Variants in SLCO3A1 observed in about 807,000 individuals in gnomAD.
The protein encoded by SLCO3A1 is solute carrier organic anion transporter family member 3A1, also known as PGE1 transporter.
SLCO3A1 carries 27 observed loss-of-function variants against 63.1 expected under a neutral mutation model. The ratio of observed to expected loss-of-function variants is 0.43; its 90% CI spans 0.32 to 0.59. The LOEUF (loss-of-function observed/expected upper bound fraction) is 0.59, where lower values mean the gene tolerates loss of function less well. SLCO3A1 is among the 20% of genes least tolerant of loss of function. The probability of loss-of-function intolerance (pLI) is 0.09; values close to 1 mark genes in which losing one functional copy is unlikely to be tolerated. For synonymous variants in SLCO3A1, 473 were observed against 409.9 expected, an observed-to-expected ratio of 1.15 and a Z score of -1.86; for missense variants, 773 against 945.8, an observed-to-expected ratio of 0.82 and a Z score of 2.40.
At chr15:92,054,529 G>T (rs1487409782) in intron 2 of SLCO3A1, among the ~76,000 whole-genome samples, 2 of 152,190 alleles carry the variant, frequency 1.3e-5, no homozygotes, top group East Asian at 1.9e-4. Flanking sequence ...GTGCCATGGT[G>T]GTTTGCTGCA....
chr15:91,872,829 G>T lies in SLCO3A1; in HGVS notation c.180+18741G>T, dbSNP rs1300900282. Among the ~76,000 whole-genome samples, 2 of 152,150 alleles carry T rather than the reference G, an allele frequency of 1.3e-5. No individual in the cohort carries two copies. The highest frequency in any genetic ancestry group is 2.4e-5 in the African/African-American group (1 of 41,428). On this transcript the variant is annotated intron_variant, in intron 1 of 9. Coordinates refer to ENST00000318445, the MANE Select transcript of SLCO3A1 (RefSeq NM_013272.4). The surrounding 1 kb of genome is among the most constrained non-coding windows in gnomAD (Gnocchi z 4.1). Reference sequence around the variant, plus strand: ...TGGGACCAGAGAATAACTTCACCAGGGCCAGAGAATCTGTTCTCTGTTCCC... The same window carrying T: ...TGGGACCAGAGAATAACTTCACCAGTGCCAGAGAATCTGTTCTCTGTTCCC...
At chr15:92,162,549 G>T in intron 9 of SLCO3A1, 2 of 708,662 alleles carry the variant, frequency 2.8e-6, no homozygotes, top group Non-Finnish European at 4.4e-6. Context: ...AAGGCAGGAG[G>T]GCTTAAATAA....
At chr15:92,132,739 C>T (rs946093307) in intron 7 of SLCO3A1, among the ~76,000 whole-genome samples, 1 of 145,146 alleles carries the variant, frequency 6.9e-6, no homozygotes, top group African/African-American at 2.5e-5. Context: ...TTCCAGGCAA[C>T]AAATATTTAT....
At chr15:92,143,438 T>TAA (rs371426422) in intron 7 of SLCO3A1, among the ~76,000 whole-genome samples, 3 of 3,098 alleles carry the variant, frequency 9.7e-4, no homozygotes, top group African/African-American at 8.9e-3. Context: ...ATAATATATA[T>TAA]AATATATATA....
At chr15:92,126,777 T>C (rs1347153742) in intron 6 of SLCO3A1, among the ~76,000 whole-genome samples, 1 of 152,086 alleles carries the variant, frequency 6.6e-6, no homozygotes, top group African/African-American at 2.4e-5. Context: ...TCTTCCTAGT[T>C]TTTATCCCAA....
intron 2 of SLCO3A1, among the ~76,000 whole-genome samples, chr15:92,017,028 C>G (rs2046445825): frequency 6.6e-6 from 1 of 151,974 alleles, no homozygotes; most frequent in African/African-American, 2.4e-5. Context: ...TACTCAACAC[C>G]CACTTTTGAT....
At chr15:92,023,485 T>A (rs2046534343) in intron 2 of SLCO3A1, among the ~76,000 whole-genome samples, 1 of 151,988 alleles carries the variant, frequency 6.6e-6, no homozygotes, top group South Asian at 2.1e-4. Flanking sequence ...TTTTTTTTTT[T>A]AAGACAGTGT....
chr15:92,106,365 G>A (rs1245849956), intron 4 of SLCO3A1, among the ~76,000 whole-genome samples: 4 of 152,062 alleles, frequency 2.6e-5, no homozygotes, highest in Admixed American at 1.3e-4. Context: ...AATAAAATAG[G>A]CTCACTTCCA....
chr15:92,159,768 G>T (rs1020830954), intron 9 of SLCO3A1, among the ~76,000 whole-genome samples: 6 of 151,932 alleles, frequency 3.9e-5, no homozygotes, highest in African/African-American at 1.5e-4. Context: ...GATATAATTG[G>T]CATATTTATC....
intron 2 of SLCO3A1, among the ~76,000 whole-genome samples, chr15:91,919,623 A>T (rs570339235): frequency 6.6e-6 from 1 of 152,298 alleles, no homozygotes; most frequent in South Asian, 2.1e-4. Flanking sequence ...CCATGTTGTG[A>T]TCTTCCATTA....
chr15:92,090,773 G>A (rs1258321989), intron 2 of SLCO3A1, among the ~76,000 whole-genome samples: 7 of 152,198 alleles, frequency 4.6e-5, no homozygotes, highest in African/African-American at 1.4e-4. Flanking sequence ...AGCCCTCGTT[G>A]TAGGAGAGTC....
At position 91,967,863 on chromosome 15, in the gene SLCO3A1, T is replaced by G. The variant is rs1900716051; in HGVS notation, c.646+51405T>G. Among the ~76,000 whole-genome samples, 1 of 152,206 alleles carries G rather than the reference T, an allele frequency of 6.6e-6. No homozygotes were observed. The highest frequency in any genetic ancestry group is 1.5e-5 in the Non-Finnish European group (1 of 68,044). On this transcript the variant is annotated intron_variant, in intron 2 of 9. Coordinates refer to ENST00000318445, the MANE Select transcript of SLCO3A1 (RefSeq NM_013272.4). This position sits in a 1 kb window ranked among gnomAD's most constrained non-coding sequence, Gnocchi z 4.4. ...CGCTGGCATAGGCTCTTTCCTTGTC[T>G]GCTTTGTCTGCAGGATTCAGCACCA... is the stretch of plus-strand genomic sequence containing the variant.
chr15:91,971,440 A>G (rs1017208285), intron 2 of SLCO3A1, among the ~76,000 whole-genome samples: 1 of 147,240 alleles, frequency 6.8e-6, no homozygotes, highest in African/African-American at 2.5e-5. Context: ...TTCAGCTCTC[A>G]TGCTGTAAAC....
chr15:92,157,815 T>TC, intron 9 of SLCO3A1, among the ~76,000 whole-genome samples: 1 of 152,308 alleles, frequency 6.6e-6, no homozygotes, highest in Non-Finnish European at 1.5e-5. Flanking sequence ...GTGAGGGCTT[T>TC]CTCAAATGGC....
intron 2 of SLCO3A1, among the ~76,000 whole-genome samples, chr15:92,085,616 G>A (rs1365088854): frequency 6.6e-6 from 1 of 152,242 alleles, no homozygotes; most frequent in East Asian, 1.9e-4. Context: ...TATCACGCAT[G>A]TGCATACGTG....
chr15:91,915,869 T>C, intron 1 of SLCO3A1, 124 bp from the exon 2 acceptor site: 2 of 765,134 alleles, frequency 2.6e-6, no homozygotes, highest in Admixed American at 4.7e-5. Flanking sequence ...TTTTTGCACC[T>C]GGCACCGGAG....
intron 1 of SLCO3A1, among the ~76,000 whole-genome samples, chr15:91,888,881 C>T (rs1414788196): frequency 6.6e-6 from 1 of 151,976 alleles, no homozygotes; most frequent in Non-Finnish European, 1.5e-5. Context: ...ATGTGGCACA[C>T]ACCTGTAGCT....
rs949453758 is a variant in SLCO3A1 at position 91,954,435 on chromosome 15, A to C, written c.646+37977A>C. Among the ~76,000 whole-genome samples, 1 of 152,192 alleles carries C rather than the reference A, an allele frequency of 6.6e-6. No homozygotes were observed. Among genetic ancestry groups the C allele is most frequent in the South Asian group, 2.1e-4 (1 of 4,832 alleles). The stretch of plus-strand genomic sequence containing the variant: ...GGCAGTCAGAAGTCCTGCCCTCTGC[A>C]GTTTCCAGGGGCCCAACATTCAATA... On this transcript the variant is annotated intron_variant, in intron 2 of 9. Coordinates refer to ENST00000318445, the MANE Select transcript of SLCO3A1 (RefSeq NM_013272.4). This position sits in a 1 kb window ranked among gnomAD's most constrained non-coding sequence, Gnocchi z 4.7.
At chr15:92,118,628 T>C (rs565999156) in intron 4 of SLCO3A1, among the ~76,000 whole-genome samples, 37 of 152,366 alleles carry the variant, frequency 2.4e-4, no homozygotes, top group Non-Finnish European at 4.1e-4. Context: ...GCCTGATAAT[T>C]AGCTCTCTTC....
Sources: allele counts gnomAD v4.1 joint callset (sites outside exome capture counted in the v4.1 genomes callset), GRCh38; gene constraint gnomAD v4.1.1; non-coding constraint Gnocchi (gnomAD v3.1); transcripts MANE v1.5; gene names NCBI Gene and HGNC (gene_info 2026-07-23, HGNC 2026-07-21).